DNMBP: variants seen among roughly 807,000 people sequenced by gnomAD.
The protein encoded by DNMBP is dynamin binding protein, also known as dynamin-binding protein.
Under a neutral mutation model 150.0 loss-of-function variants are expected in DNMBP, and 87 were observed. That is an observed-to-expected ratio of 0.58 (90% CI 0.49 to 0.69). The LOEUF is 0.69. DNMBP is among the 30% of genes least tolerant of loss of function. DNMBP has a pLI of 0.00. For synonymous variants in DNMBP, 711 were observed against 750.4 expected, an observed-to-expected ratio of 0.95 and a Z score of 0.86; for missense variants, 1,774 against 1,949.0, an observed-to-expected ratio of 0.91 and a Z score of 1.69.
intron 4 of DNMBP, chr10:99,929,829 A>G: frequency 1.4e-6 from 1 of 702,892 alleles, no homozygotes; most frequent in Non-Finnish European, 2.6e-6. Context: ...ATCCAGAAGG[A>G]TCCTGCTGCC....
chr10:99,913,487 T>C (rs2039926085), intron 4 of DNMBP, among the ~76,000 whole-genome samples: 1 of 152,146 alleles, frequency 6.6e-6, no homozygotes, highest in Non-Finnish European at 1.5e-5. Flanking sequence ...AAAATTCCAC[T>C]TTTCTATGAG....
intron 6 of DNMBP, among the ~76,000 whole-genome samples, chr10:99,900,327 T>G (rs1282494253): frequency 6.6e-6 from 1 of 152,308 alleles, no homozygotes; most frequent in East Asian, 1.9e-4. Context: ...TCACCCAGGC[T>G]GGAGTGCAGT....
intron 1 of DNMBP, among the ~76,000 whole-genome samples, chr10:99,998,045 C>A (rs1267536739): frequency 1.3e-5 from 2 of 149,754 alleles, no homozygotes; most frequent in Non-Finnish European, 3.0e-5. Context: ...ACCATCCTGG[C>A]TAACACAGTG....
intron 4 of DNMBP, among the ~76,000 whole-genome samples, chr10:99,916,057 A>C (rs1159712239): frequency 1.3e-5 from 2 of 152,240 alleles, no homozygotes; most frequent in East Asian, 3.8e-4. Context: ...ATTTAACCTG[A>C]TAATTAGAGC....
At chr10:99,940,947 C>T (rs538126534) in intron 4 of DNMBP, among the ~76,000 whole-genome samples, 208 of 152,228 alleles carry the variant, frequency 1.4e-3, no homozygotes, top group Middle Eastern at 6.8e-3. Flanking sequence ...TACGGTGGCG[C>T]GATCTTGGCT....
chr10:99,910,918 A>G (rs994850645), intron 4 of DNMBP, among the ~76,000 whole-genome samples: 3 of 152,206 alleles, frequency 2.0e-5, no homozygotes, highest in African/African-American at 7.2e-5. Flanking sequence ...CAGCTGATAA[A>G]TAAGAGAAGA....
chr10:99,957,595 G>T, intron 3 of DNMBP: 1 of 205,630 alleles, frequency 4.9e-6, no homozygotes, highest in Non-Finnish European at 9.9e-6. Context: ...GAGCACTTTG[G>T]GAGGCCAAGG....
intron 15 of DNMBP, among the ~76,000 whole-genome samples, chr10:99,880,980 CT>C (rs1264413723): frequency 1.3e-5 from 2 of 152,180 alleles, no homozygotes; most frequent in Non-Finnish European, 2.9e-5. Context: ...AATCCAGGCA[CT>C]TTGGGTGGCT....
chr10:99,964,492 T>G (rs1266940221), intron 3 of DNMBP, among the ~76,000 whole-genome samples: 1 of 146,766 alleles, frequency 6.8e-6, no homozygotes, highest in African/African-American at 2.6e-5. Flanking sequence ...TTTTCTCCTG[T>G]TTTTGTTTTT....
intron 6 of DNMBP, among the ~76,000 whole-genome samples, chr10:99,905,784 A>G (rs1019977517): frequency 2.6e-5 from 4 of 152,224 alleles, no homozygotes; most frequent in Non-Finnish European, 5.9e-5. Context: ...TAGCCTGGGC[A>G]ATATAGTGAG....
chr10:99,989,775 C>T, intron 1 of DNMBP, among the ~76,000 whole-genome samples: 1 of 151,982 alleles, frequency 6.6e-6, no homozygotes, highest in East Asian at 1.9e-4. Context: ...TAGTCTAGCT[C>T]AGATCAGCTA....
At chr10:99,912,677 T>C (rs1397783977) in intron 4 of DNMBP, among the ~76,000 whole-genome samples, 1 of 152,104 alleles carries the variant, frequency 6.6e-6, no homozygotes, top group Non-Finnish European at 1.5e-5. Context: ...ACCCTAGGTG[T>C]TTCCTTCCCT....
chr10:99,898,335 C>T, intron 8 of DNMBP, 50 bp from the exon 9 acceptor site: 1 of 1,499,240 alleles, frequency 6.7e-7, no homozygotes, highest in Non-Finnish European at 9.3e-7. Flanking sequence ...AATATAGCGC[C>T]CAGCCTGGGA....
chr10:99,988,617 C>CT (rs1477687044), intron 1 of DNMBP, among the ~76,000 whole-genome samples: 1 of 152,134 alleles, frequency 6.6e-6, no homozygotes, highest in African/African-American at 2.4e-5. Context: ...CCCCACTCCT[C>CT]TAGCAATATC....
chr10:99,980,013 C>T lies in DNMBP; in HGVS notation c.-10-7879G>A, dbSNP rs1413519741. 2.6e-5 allele frequency among the ~76,000 whole-genome samples: 4 copies of T among 152,356 alleles called. No individual in the cohort carries two copies. In the South Asian group the frequency reaches 6.2e-4, roughly 24 times the overall value. ...GCCACCTCTCCTGCTCAGGTCCACT[C>T]ATTTGCCATGTCTTAAGTCCTGCAG... is the stretch of plus-strand genomic sequence containing the variant. On this transcript the variant is annotated intron_variant, in intron 1 of 16. Transcript: ENST00000324109.
intron 4 of DNMBP, among the ~76,000 whole-genome samples, chr10:99,923,391 A>AT (rs1261350346): frequency 7.3e-5 from 8 of 109,952 alleles, no homozygotes; most frequent in African/African-American, 2.7e-4. Context: ...GTCTCCAAAA[A>AT]AAATAATAAT....
intron 2 of DNMBP, among the ~76,000 whole-genome samples, chr10:99,969,445 T>C (rs1042886249): frequency 6.6e-6 from 1 of 152,176 alleles, no homozygotes; most frequent in Non-Finnish European, 1.5e-5. Context: ...TTCAATTTGG[T>C]ACGCATTTAC....
chr10:99,914,037 G>A, intron 4 of DNMBP: 2 of 1,503,296 alleles, frequency 1.3e-6, no homozygotes, highest in Non-Finnish European at 1.8e-6. Flanking sequence ...GCTCTGGAAT[G>A]CTCCACAACC....
chr10:99,897,776 G>A (rs1033627161), intron 9 of DNMBP, among the ~76,000 whole-genome samples: 1 of 152,096 alleles, frequency 6.6e-6, no homozygotes, highest in Non-Finnish European at 1.5e-5. Flanking sequence ...AGCTGGGCAT[G>A]GTGCCACATG....
Sources: allele counts gnomAD v4.1 joint callset (sites outside exome capture counted in the v4.1 genomes callset), GRCh38; gene constraint gnomAD v4.1.1; transcripts MANE v1.5; gene names NCBI Gene and HGNC (gene_info 2026-07-23, HGNC 2026-07-21).